Variants in NAV2 observed in about 807,000 individuals in gnomAD.
NAV2 encodes neuron navigator 2.
NAV2 carries 54 observed loss-of-function variants against 223.2 expected under a neutral mutation model. The ratio of observed to expected loss-of-function variants is 0.24; its 90% CI spans 0.19 to 0.30. The LOEUF is 0.30. NAV2 is among the 10% of genes least tolerant of loss of function. The pLI, the probability that NAV2 is intolerant of heterozygous loss-of-function variation, is 1.00. For synonymous variants in NAV2, 1,279 were observed against 1,239.3 expected (o/e 1.03, Z -0.67); for missense variants, 2,806 against 3,147.5 (o/e 0.89, Z 2.60).
chr11:19,904,043 A>T (rs532794804), intron 6 of NAV2, among the ~76,000 whole-genome samples: 1 of 152,330 alleles, frequency 6.6e-6, no homozygotes, highest in East Asian at 1.9e-4. Flanking sequence ...GGATTCAAGG[A>T]TCAGGTTTAG....
intron 1 of NAV2, among the ~76,000 whole-genome samples, chr11:19,554,934 C>T (rs994347785): frequency 5.7e-5 from 8 of 141,576 alleles, no homozygotes; most frequent in African/African-American, 1.9e-4. Context: ...GCAACAAGAG[C>T]GAAACTCCGA....
At chr11:19,485,430 A>G (rs892179361) in intron 1 of NAV2, among the ~76,000 whole-genome samples, 1 of 152,126 alleles carries the variant, frequency 6.6e-6, no homozygotes, top group African/African-American at 2.4e-5. Flanking sequence ...CTAGCCTGGG[A>G]CCAGACTAGC....
intron 1 of NAV2, among the ~76,000 whole-genome samples, chr11:19,805,380 C>T (rs966201214): frequency 1.3e-5 from 2 of 152,126 alleles, no homozygotes; most frequent in Non-Finnish European, 2.9e-5. Flanking sequence ...TCTCCAGCCT[C>T]ACGTCTCAGT....
At chr11:19,770,385 T>TC (rs2055615064) in intron 1 of NAV2, among the ~76,000 whole-genome samples, 1 of 152,026 alleles carries the variant, frequency 6.6e-6, no homozygotes, top group Non-Finnish European at 1.5e-5. Flanking sequence ...GAGGTGCAGC[T>TC]CCTGGGAGGG....
intron 1 of NAV2, among the ~76,000 whole-genome samples, chr11:19,624,881 T>C (rs1383419840): frequency 6.6e-6 from 1 of 152,230 alleles, no homozygotes; most frequent in Non-Finnish European, 1.5e-5. Flanking sequence ...CTCTACCTAT[T>C]CGGCCATCTT....
At chr11:19,355,227 A>G (rs1346742742) in intron 1 of NAV2, among the ~76,000 whole-genome samples, 1 of 147,524 alleles carries the variant, frequency 6.8e-6, no homozygotes, top group African/African-American at 2.5e-5. Context: ...GCGGATGAAC[A>G]TTGTAAAATA....
At chr11:19,753,652 T>C (rs2054016648) in intron 1 of NAV2, among the ~76,000 whole-genome samples, 1 of 152,364 alleles carries the variant, frequency 6.6e-6, no homozygotes, top group Admixed American at 6.5e-5. Flanking sequence ...CAAATGTGTC[T>C]TTCATTCCTT....
chr11:20,049,241 C>A, intron 15 of NAV2, 46 bp downstream of exon 15: 3 of 1,358,906 alleles, frequency 2.2e-6, no homozygotes, highest in Non-Finnish European at 3.0e-6. Context: ...GACACCCTTC[C>A]AAAAATAAAA....
chr11:19,942,413 T>C (rs968145606), intron 8 of NAV2, among the ~76,000 whole-genome samples: 3 of 152,322 alleles, frequency 2.0e-5, no homozygotes, highest in African/African-American at 4.8e-5. Flanking sequence ...CTATGTGCCA[T>C]ATCATCTGAC....
chr11:19,771,349 G>T (rs1230461304), intron 1 of NAV2, among the ~76,000 whole-genome samples: 1 of 152,178 alleles, frequency 6.6e-6, no homozygotes, highest in Non-Finnish European at 1.5e-5. Flanking sequence ...TACTTCTGAT[G>T]AGTGGAAAGG....
chr11:19,685,978 A>G (rs1375523505), intron 1 of NAV2, among the ~76,000 whole-genome samples: 1 of 81,168 alleles, frequency 1.2e-5, no homozygotes, highest in African/African-American at 2.8e-5. Context: ...CACATCTCAT[A>G]AAGTCCAGAA....
At chr11:19,439,675 C>T (rs1300690026) in intron 1 of NAV2, among the ~76,000 whole-genome samples, 1 of 152,222 alleles carries the variant, frequency 6.6e-6, no homozygotes, top group Non-Finnish European at 1.5e-5. Flanking sequence ...GCTCCTTAAT[C>T]ATTCATACAT....
At chr11:19,353,108 G>A (rs1037134268) in intron 1 of NAV2, among the ~76,000 whole-genome samples, 4 of 152,102 alleles carry the variant, frequency 2.6e-5, no homozygotes, top group African/African-American at 9.7e-5. Flanking sequence ...AGGCACAATC[G>A]AGGCATCTGC....
At chr11:19,773,586 C>T (rs908191125) in intron 1 of NAV2, among the ~76,000 whole-genome samples, 1 of 152,072 alleles carries the variant, frequency 6.6e-6, no homozygotes, top group Admixed American at 6.5e-5. Context: ...TCCGCTACTT[C>T]ACATCAAAGG....
chr11:19,748,125 G>C (rs2053527651), intron 1 of NAV2, among the ~76,000 whole-genome samples: 1 of 152,216 alleles, frequency 6.6e-6, no homozygotes, highest in Non-Finnish European at 1.5e-5. Context: ...CCAGTGGACT[G>C]GTGGAGGCAG....
At chr11:19,399,154 TAAG>T (rs1410180058) in intron 1 of NAV2, among the ~76,000 whole-genome samples, 1 of 152,148 alleles carries the variant, frequency 6.6e-6, no homozygotes, top group Non-Finnish European at 1.5e-5. Flanking sequence ...AAGTGGATAT[TAAG>T]AAGATAAATT....
intron 1 of NAV2, among the ~76,000 whole-genome samples, chr11:19,559,294 G>A (rs2045015466): frequency 6.6e-6 from 1 of 152,208 alleles, no homozygotes; most frequent in African/African-American, 2.4e-5. Context: ...TAGAATTGAA[G>A]CCCAGGTCTT....
At position 20,003,576 on chromosome 11, in the gene NAV2, ACTTCCCTC is replaced by A. The variant is rs529774419; in HGVS notation, c.2768+19331_2768+19338del. 3.1e-4 allele frequency among the ~76,000 whole-genome samples: 47 copies of A among 152,226 alleles called. No homozygotes were observed. The South Asian group carries it at 9.6e-3, about 31-fold the overall frequency. On this transcript the variant is annotated intron_variant, in intron 11 of 37. Coordinates refer to ENST00000349880, the MANE Select transcript of NAV2 (RefSeq NM_145117.5). Reference sequence around the variant, plus strand: ...TGCCTCTCTTGTTCTACCCACACCCACTTCCCTCCATCTCTAAGTTAGTTCTACTTGAG... The same window carrying A: ...TGCCTCTCTTGTTCTACCCACACCCACATCTCTAAGTTAGTTCTACTTGAG...
At chr11:19,416,202 T>A (rs184169744) in intron 1 of NAV2, among the ~76,000 whole-genome samples, 1 of 152,344 alleles carries the variant, frequency 6.6e-6, no homozygotes, top group Admixed American at 6.5e-5. Flanking sequence ...AACCCCATTG[T>A]CTCAGCCCAA....
Sources: gnomAD v4.1 joint callset for allele counts (sites outside exome capture counted in the v4.1 genomes callset) on GRCh38, gnomAD v4.1.1 for gene constraint, MANE v1.5 for transcripts, NCBI Gene and HGNC (gene_info 2026-07-23, HGNC 2026-07-21) for gene names.